Variants in BTNL3 observed in about 807,000 individuals in gnomAD.
BTNL3 encodes the protein butyrophilin like 3, also known as butyrophilin-like protein 3.
BTNL3 carries 20 observed loss-of-function variants against 40.1 expected under a neutral mutation model. The ratio of observed to expected loss-of-function variants is 0.50; its 90% CI spans 0.35 to 0.72. The LOEUF (loss-of-function observed/expected upper bound fraction) is 0.72. BTNL3 is among the 30% of genes least tolerant of loss of function. BTNL3 has a pLI of 0.01. For missense variants in BTNL3, 449 were observed against 582.2 expected, an observed-to-expected ratio of 0.77 and a Z score of 2.35; for synonymous variants, 179 against 222.1, an observed-to-expected ratio of 0.81 and a Z score of 1.73.
At chr5:180,996,788 C>T (rs1373513094) in intron 2 of BTNL3, among the ~76,000 whole-genome samples, 1 of 136,838 alleles carries the variant, frequency 7.3e-6, no homozygotes, top group Non-Finnish European at 1.7e-5. Context: ...CAGTTAAGCA[C>T]TCTTCTCTGT....
chr5:181,005,584 G>A lies in BTNL3; in HGVS notation c.1113G>A (p.Leu371=), dbSNP rs750606660. Residue 371 remains leucine, a synonymous_variant, in exon 8 of 8, where the codon TTG becomes TTA. Transcript: ENST00000342868. ...DVDRGKNNVT[L]SPNNGYWVLR... is the part of the protein sequence containing the mutation. ...ACAGGGGGAAGAACAATGTGACTTT[G>A]TCTCCCAACAATGGGTATTGGGTCC... 45 of 1,613,866 alleles carry A rather than the reference G, an allele frequency of 2.8e-5. No homozygotes were observed. Among genetic ancestry groups the A allele is most frequent in the Non-Finnish European group, 3.5e-5 (41 of 1,179,996 alleles).
chr5:180,997,143 G>T (rs1582087669), intron 2 of BTNL3, 70 bp from the exon 3 acceptor site: 1 of 1,455,066 alleles, frequency 6.9e-7, no homozygotes, highest in South Asian at 1.1e-5. Flanking sequence ...CAGGCTTGAT[G>T]AACCAGACTC....
At chr5:180,991,006 C>T (rs1168352616) in intron 1 of BTNL3, among the ~76,000 whole-genome samples, 1 of 136,986 alleles carries the variant, frequency 7.3e-6, no homozygotes, top group Non-Finnish European at 1.7e-5. Flanking sequence ...CACCCTGTGC[C>T]TGGGCTGAGG....
At chr5:180,994,870 C>T (rs1251558480) in intron 2 of BTNL3, among the ~76,000 whole-genome samples, 2 of 134,274 alleles carry the variant, frequency 1.5e-5, no homozygotes, top group African/African-American at 5.1e-5. Flanking sequence ...ACTGCAAGCT[C>T]TGCCTTCCGG....
chr5:180,999,084 G>T lies in BTNL3; in HGVS notation c.673+1596G>T, dbSNP rs555736478. 1.3e-4 allele frequency among the ~76,000 whole-genome samples: 18 copies of T among 136,674 alleles called. 2 individuals are homozygous for T. The South Asian group carries it at 3.9e-3, about 30-fold the overall frequency. The allele number at this position is 136,674 out of a possible 152,430, so 89.7% of individuals were successfully genotyped here. A position where few individuals can be genotyped will look rare whatever the true frequency, so the allele number is the denominator to read the frequency against. Reference sequence around the variant, plus strand: ...GGAGGTTGCGGTGAGCCGAGATCATGCCACTGCACTCCAGCCTGGGCGATA... The same window carrying T: ...GGAGGTTGCGGTGAGCCGAGATCATTCCACTGCACTCCAGCCTGGGCGATA... On this transcript the variant is annotated intron_variant, in intron 3 of 7. Coordinates refer to ENST00000342868, the MANE Select transcript of BTNL3 (RefSeq NM_197975.3).
At chr5:180,994,416 T>C (rs1652077890) in intron 2 of BTNL3, among the ~76,000 whole-genome samples, 1 of 137,332 alleles carries the variant, frequency 7.3e-6, no homozygotes, top group South Asian at 2.1e-4. Flanking sequence ...ATGTGCTACT[T>C]CTTTCTGGCC....
At position 180,989,071 on chromosome 5, in the gene BTNL3, G is replaced by A. The variant is rs1759938391; in HGVS notation, c.43G>A (p.Val15Met). 2 of 1,445,646 alleles carry A rather than the reference G, an allele frequency of 1.4e-6. No individual in the cohort carries two copies. The highest frequency in any genetic ancestry group is 5.0e-5 in the East Asian group (2 of 40,088). The allele number at this position is 1,445,646 out of a possible 1,614,324, so 89.6% of individuals were successfully genotyped here. A position where few individuals can be genotyped will look rare whatever the true frequency, so the allele number is the denominator to read the frequency against. ...LILVLSFYELVSGQWQVTGPG... is the reference protein window; with the variant it reads ...LILVLSFYELMSGQWQVTGPG... ...TTTGGTTCTCAGTTTCTACGAGCTG[G>A]TGTCAGGTAAGCCTTTCAGTTTGGA... The change falls in exon 1 of 8, where the codon GTG (valine) becomes ATG (methionine). Residue 15 changes from valine to methionine, a missense_variant. Val to Met is a conservative substitution (Grantham distance 21). This residue lies in a region of BTNL3 where 323 missense variants were observed against 464.9 expected (regional missense o/e 0.69). Coordinates refer to ENST00000342868, the MANE Select transcript of BTNL3 (RefSeq NM_197975.3).
chr5:181,001,143 G>A lies in BTNL3; in HGVS notation c.674-1529G>A, dbSNP rs571919801. Among the ~76,000 whole-genome samples, 39 of 135,582 alleles carry A rather than the reference G, an allele frequency of 2.9e-4. 12 individuals carry two copies. Among genetic ancestry groups the A allele is most frequent in the Admixed American group, 6.3e-4 (8 of 12,800 alleles). 88.9% of individuals were successfully genotyped at this position (135,582 alleles called of 152,430 possible). A position where few individuals can be genotyped will look rare whatever the true frequency, so the allele number is the denominator to read the frequency against. On this transcript the variant is annotated intron_variant, in intron 3 of 7. Transcript: ENST00000342868. ...AAATGTTTACAAAATCTTATTGAAGGGTATTATAAAACTGTATTAAAAGAC... is the reference window on the plus strand; with the variant it reads ...AAATGTTTACAAAATCTTATTGAAGAGTATTATAAAACTGTATTAAAAGAC...
chr5:180,999,253 G>A lies in BTNL3; in HGVS notation c.673+1765G>A, dbSNP rs150395429. 3.9e-3 allele frequency among the ~76,000 whole-genome samples: 527 copies of A among 136,542 alleles called. 66 individuals carry two copies. The highest frequency in any genetic ancestry group is 0.013 in the African/African-American group (497 of 39,686). The allele number at this position is 136,542 out of a possible 152,430, so 89.6% of individuals were successfully genotyped here. On this transcript the variant is annotated intron_variant, in intron 3 of 7. Transcript: ENST00000342868. ...AAAAGAAAGTGGAAGAAATCCTAAAGATATAGAAATATGGAAATATAAAGA... is the reference window on the plus strand; with the variant it reads ...AAAAGAAAGTGGAAGAAATCCTAAAAATATAGAAATATGGAAATATAAAGA...
rs369240068 is a variant in BTNL3 at position 180,992,835 on chromosome 5, G to A, written c.72G>A (p.Pro24=). ...TAGGACAGTGGCAAGTCACTGGACC[G>A]GGCAAGTTTGTCCAGGCCTTGGTGG... is the stretch of plus-strand genomic sequence containing the variant. The part of the protein sequence containing the change: ...LVSGQWQVTG[P]GKFVQALVGE... The change falls in exon 2 of 8, where the codon CCG becomes CCA. Residue 24 remains proline, a synonymous_variant. Transcript: ENST00000342868. 98 of 1,462,914 alleles carry A rather than the reference G, an allele frequency of 6.7e-5. 23 individuals are homozygous for A. The highest frequency in any genetic ancestry group is 2.9e-4 in the African/African-American group (21 of 72,460). 90.6% of individuals were successfully genotyped at this position (1,462,914 alleles called of 1,614,324 possible). A position where few individuals can be genotyped will look rare whatever the true frequency, so the allele number is the denominator to read the frequency against.
At chr5:181,005,286 T>C (rs1234909340) in intron 7 of BTNL3, 48 bp from the exon 8 acceptor site, 1 of 1,601,834 alleles carries the variant, frequency 6.2e-7, no homozygotes, top group Middle Eastern at 2.3e-4. Flanking sequence ...CCAGCCCAGA[T>C]TTCGTCTTCA....
At chr5:180,996,490 G>A (rs1276085919) in intron 2 of BTNL3, among the ~76,000 whole-genome samples, 3 of 136,600 alleles carry the variant, frequency 2.2e-5, no homozygotes, top group African/African-American at 7.6e-5. Flanking sequence ...AAGTGGCTGT[G>A]GGCAAGTCCA....
At chr5:180,997,111 G>T in intron 2 of BTNL3, 102 bp from the exon 3 acceptor site, 1 of 1,364,412 alleles carries the variant, frequency 7.3e-7, no homozygotes, top group Admixed American at 2.0e-5. Flanking sequence ...AGAGAGAAAA[G>T]GATGTATGTG....
chr5:181,002,685 G>T lies in BTNL3; in HGVS notation c.687G>T (p.Gln229His). The change falls in exon 4 of 8, where the codon CAG becomes CAT. Residue 229 changes from glutamine (Q) to histidine (H), a missense_variant. Around this residue, in one of 2 missense-constraint regions of BTNL3, gnomAD observed 323 missense variants for 464.9 expected, o/e 0.69. Coordinates refer to ENST00000342868, the MANE Select transcript of BTNL3 (RefSeq NM_197975.3). ...SKVLIGETFF[Q>H]PSPWRLASIL... Reference sequence around the variant, plus strand: ...ACTGTTTTTCAGAGACGTTTTTCCAGCCCTCACCTTGGCGCCTGGCTTCTA... The same window carrying T: ...ACTGTTTTTCAGAGACGTTTTTCCATCCCTCACCTTGGCGCCTGGCTTCTA... 6.9e-7 allele frequency: 1 copy of T among 1,455,322 alleles called. No homozygotes were observed. Among genetic ancestry groups the T allele is most frequent in the Non-Finnish European group, 9.5e-7 (1 of 1,054,976 alleles). The allele number at this position is 1,455,322 out of a possible 1,614,324, so 90.2% of individuals were successfully genotyped here.
intron 7 of BTNL3, 29 bp from the exon 8 acceptor site, chr5:181,005,305 T>C: frequency 1.2e-6 from 2 of 1,606,752 alleles, no homozygotes; most frequent in African/African-American, 1.3e-5. Context: ...CAGTAACTCA[T>C]GCTTCCTCTC....
At position 180,997,193 on chromosome 5, in the gene BTNL3, T is replaced by C. The variant is rs1319041776; in HGVS notation, c.398-20T>C. 2 of 1,463,840 alleles carry C rather than the reference T, an allele frequency of 1.4e-6. No individual in the cohort carries two copies. Among genetic ancestry groups the C allele is most frequent in the South Asian group, 2.2e-5 (2 of 89,302 alleles). The allele number at this position is 1,463,840 out of a possible 1,614,324, so 90.7% of individuals were successfully genotyped here. A position where few individuals can be genotyped will look rare whatever the true frequency, so the allele number is the denominator to read the frequency against. On this transcript the variant is annotated intron_variant, in intron 2 of 7. Transcript: ENST00000342868. ...TTGAAATTTGGTCTTTGCTTTCATC[T>C]TTCCCTGTTTTCTTCCCAGCACTGG...
Position 181,005,927 on chromosome 5 carries a change from G to A in BTNL3, c.*55G>A, listed in dbSNP as rs536617225. Reference sequence around the variant, plus strand: ...ACACCACAGACCCAGACACAGCCAAGGGAGAGTGCTCCCGACAGGTGGCCC... The same window carrying A: ...ACACCACAGACCCAGACACAGCCAAAGGAGAGTGCTCCCGACAGGTGGCCC... On this transcript the variant is annotated 3_prime_UTR_variant, in exon 8 of 8. Transcript: ENST00000342868. 6 of 1,503,340 alleles carry A rather than the reference G, an allele frequency of 4.0e-6. No individual in the cohort carries two copies. The Admixed American group carries it at 9.5e-5, about 24-fold the overall frequency. 93.1% of individuals were successfully genotyped at this position (1,503,340 alleles called of 1,614,324 possible). A position where few individuals can be genotyped will look rare whatever the true frequency, so the allele number is the denominator to read the frequency against.
chr5:180,994,507 G>A (rs1350783129), intron 2 of BTNL3, among the ~76,000 whole-genome samples: 2 of 136,042 alleles, frequency 1.5e-5, no homozygotes, highest in African/African-American at 5.0e-5. Flanking sequence ...ATCAAGGCAT[G>A]GGTTTCTTTA....
At chr5:181,001,327 G>A (rs1760105899) in intron 3 of BTNL3, among the ~76,000 whole-genome samples, 1 of 135,612 alleles carries the variant, frequency 7.4e-6, no homozygotes, top group East Asian at 2.2e-4. Flanking sequence ...TTTTTGAGAT[G>A]AGCTGTCACT....
Sources: allele counts gnomAD v4.1 joint callset (sites outside exome capture counted in the v4.1 genomes callset), GRCh38; gene constraint gnomAD v4.1.1; regional missense constraint gnomAD v4.1.1; transcripts MANE v1.5; gene names NCBI Gene and HGNC (gene_info 2026-07-23, HGNC 2026-07-21).